STIM1: variants seen among roughly 807,000 people sequenced by gnomAD.
The protein encoded by STIM1 is stromal interaction molecule 1.
In STIM1, 25 loss-of-function variants were observed where a neutral mutation model predicts 74.7. The ratio of observed to expected loss-of-function variants is 0.33; its 90% CI spans 0.24 to 0.47. The LOEUF is 0.47. Among genes scored for constraint, STIM1 ranks in the 20% least tolerant of loss-of-function variants. STIM1 has a pLI of 1.00. For missense variants in STIM1, 728 were observed against 920.8 expected (o/e 0.79, Z 2.71); for synonymous variants, 328 against 348.8 (o/e 0.94, Z 0.66).
intron 2 of STIM1, among the ~76,000 whole-genome samples, chr11:3,968,551 A>G (rs565828090): frequency 9.8e-5 from 15 of 152,298 alleles, no homozygotes; most frequent in Admixed American, 5.9e-4. Flanking sequence ...AGTGATGAAG[A>G]GTTTGGAAAG....
intron 3 of STIM1, among the ~76,000 whole-genome samples, chr11:4,024,549 C>T (rs915088729): frequency 6.6e-6 from 1 of 152,130 alleles, no homozygotes; most frequent in Non-Finnish European, 1.5e-5. Flanking sequence ...TCTTGATTTC[C>T]TGCCTATAAG....
intron 3 of STIM1, among the ~76,000 whole-genome samples, chr11:4,047,539 C>T (rs1194058952): frequency 2.0e-5 from 3 of 152,130 alleles, no homozygotes; most frequent in Non-Finnish European, 2.9e-5. Context: ...TTACATGAAC[C>T]TGGGAGGCGG....
chr11:3,870,936 G>T (rs553944202), intron 1 of STIM1, among the ~76,000 whole-genome samples: 1 of 143,486 alleles, frequency 7.0e-6, no homozygotes, highest in Admixed American at 7.1e-5. Flanking sequence ...GCAGTGGTGC[G>T]ATCTCGGCTC....
chr11:3,877,243 C>CATTATTATT lies in STIM1; in HGVS notation c.139+20850_139+20858dup, dbSNP rs147307800. On this transcript the variant is annotated intron_variant, in intron 1 of 12. Transcript: ENST00000526596. ...CTGTTAGTGTCTTCCTACAGAACAACATTATTATTATTATTATTATTATTT... is the reference window on the plus strand; with the variant it reads ...CTGTTAGTGTCTTCCTACAGAACAACATTATTATTATTATTATTATTATTATTATTATTT... Among the ~76,000 whole-genome samples, 14 of 150,026 alleles carry CATTATTATT rather than the reference C, an allele frequency of 9.3e-5. 1 individual carries two copies. Among genetic ancestry groups the CATTATTATT allele is most frequent in the South Asian group, 2.1e-4 (1 of 4,716 alleles).
At chr11:4,039,521 G>T (rs1480999815) in intron 3 of STIM1, among the ~76,000 whole-genome samples, 1 of 144,686 alleles carries the variant, frequency 6.9e-6, no homozygotes, top group Non-Finnish European at 1.5e-5. Flanking sequence ...AGGAGGCAGA[G>T]GTTGCAGTGA....
chr11:3,899,652 T>C (rs1283879116), intron 1 of STIM1, among the ~76,000 whole-genome samples: 1 of 151,318 alleles, frequency 6.6e-6, no homozygotes, highest in African/African-American at 2.4e-5. Context: ...TGGCTGTGGG[T>C]TTGTCATAGA....
At chr11:3,902,991 T>TA (rs2092388159) in intron 1 of STIM1, among the ~76,000 whole-genome samples, 1 of 152,224 alleles carries the variant, frequency 6.6e-6, no homozygotes, top group Admixed American at 6.5e-5. Flanking sequence ...AACATGTTTA[T>TA]ATATAATTTA....
chr11:4,084,007 A>G (rs1294331082), intron 10 of STIM1, among the ~76,000 whole-genome samples: 3 of 152,204 alleles, frequency 2.0e-5, no homozygotes, highest in East Asian at 1.9e-4. Context: ...ATTCTTGCCC[A>G]GGAGGGATCT....
At chr11:4,056,543 T>C (rs1183682613) in intron 4 of STIM1, among the ~76,000 whole-genome samples, 1 of 152,234 alleles carries the variant, frequency 6.6e-6, no homozygotes, top group Non-Finnish European at 1.5e-5. Flanking sequence ...ATCTGTCATC[T>C]TATTATGTAG....
intron 6 of STIM1, among the ~76,000 whole-genome samples, chr11:4,071,442 C>T (rs907248799): frequency 1.3e-5 from 2 of 152,058 alleles, no homozygotes; most frequent in Non-Finnish European, 2.9e-5. Context: ...CCTCCACCCC[C>T]TGGGCTCAAG....
intron 12 of STIM1, chr11:4,088,603 C>T: frequency 8.7e-7 from 1 of 1,155,100 alleles, no homozygotes; most frequent in Non-Finnish European, 1.2e-6. Context: ...ATTCCATGCT[C>T]CAAGGTTTAA....
intron 1 of STIM1, among the ~76,000 whole-genome samples, chr11:3,942,037 T>C (rs1005658492): frequency 1.3e-5 from 2 of 152,092 alleles, no homozygotes; most frequent in African/African-American, 4.8e-5. Context: ...TAATTACATC[T>C]CAATTAAAAA....
intron 1 of STIM1, among the ~76,000 whole-genome samples, chr11:3,916,895 A>AT (rs1347978563): frequency 6.6e-6 from 1 of 152,140 alleles, no homozygotes; most frequent in Non-Finnish European, 1.5e-5. Context: ...GCCAGTAATG[A>AT]TTTTTAAATC....
At chr11:3,997,043 G>A (rs1327063873) in intron 2 of STIM1, among the ~76,000 whole-genome samples, 1 of 152,186 alleles carries the variant, frequency 6.6e-6, no homozygotes, top group Admixed American at 6.5e-5. Context: ...GGATACTTTG[G>A]TTCTGACAGT....
chr11:3,897,176 G>C lies in STIM1; in HGVS notation c.139+40767G>C, dbSNP rs73425427. Among the ~76,000 whole-genome samples, 1,314 of 152,290 alleles carry C rather than the reference G, an allele frequency of 8.6e-3. 14 individuals carry two copies. The highest frequency in any genetic ancestry group is 0.03 in the African/African-American group (1,265 of 41,542). On this transcript the variant is annotated intron_variant, in intron 1 of 12. Coordinates refer to ENST00000526596, the MANE Select transcript of STIM1 (RefSeq NM_001382567.1). ...ACTACTAAGTTAATTGTTTCCAGGA[G>C]GGCAGCTGTCAAGTTACTTTGTATC...
intron 2 of STIM1, among the ~76,000 whole-genome samples, chr11:4,015,080 G>T (rs2093882750): frequency 6.6e-6 from 1 of 152,190 alleles, no homozygotes; most frequent in African/African-American, 2.4e-5. Flanking sequence ...GTGTGAATTT[G>T]ATCCTGTCAA....
chr11:3,939,338 T>C (rs1005067199), intron 1 of STIM1, among the ~76,000 whole-genome samples: 2 of 152,190 alleles, frequency 1.3e-5, no homozygotes, highest in African/African-American at 4.8e-5. Flanking sequence ...CTGACTTTGT[T>C]CTGTGATTCT....
At chr11:4,033,331 G>A (rs2094068318) in intron 3 of STIM1, among the ~76,000 whole-genome samples, 1 of 152,116 alleles carries the variant, frequency 6.6e-6, no homozygotes, top group Non-Finnish European at 1.5e-5. Flanking sequence ...GGATTGACTT[G>A]GCGATGCGGG....
At chr11:3,882,330 C>A (rs992988770) in intron 1 of STIM1, among the ~76,000 whole-genome samples, 22 of 151,972 alleles carry the variant, frequency 1.4e-4, no homozygotes, top group African/African-American at 5.3e-4. Context: ...AACTCCCGAC[C>A]TCAGGTGATT....
Sources: allele counts gnomAD v4.1 joint callset (sites outside exome capture counted in the v4.1 genomes callset), GRCh38; gene constraint gnomAD v4.1.1; transcripts MANE v1.5; gene names NCBI Gene and HGNC (gene_info 2026-07-23, HGNC 2026-07-21).